Variants in CPAMD8 observed in about 807,000 individuals in gnomAD.
The protein encoded by CPAMD8 is C3 and PZP like alpha-2-macroglobulin domain containing 8.
In CPAMD8, 146 loss-of-function variants were observed where a neutral mutation model predicts 224.7. That is an observed-to-expected ratio of 0.65 (90% CI 0.57 to 0.75). The LOEUF is 0.75. CPAMD8 is among the 30% of genes least tolerant of loss of function. The pLI, the probability that CPAMD8 is intolerant of heterozygous loss-of-function variation, is 0.00. For synonymous variants in CPAMD8, 966 were observed against 1,044.6 expected, an observed-to-expected ratio of 0.92 and a Z score of 1.45; for missense variants, 2,301 against 2,537.5, an observed-to-expected ratio of 0.91 and a Z score of 2.00.
intron 3 of CPAMD8, among the ~76,000 whole-genome samples, chr19:17,015,292 G>A (rs2056781032): frequency 6.6e-6 from 1 of 152,092 alleles, no homozygotes; most frequent in Non-Finnish European, 1.5e-5. Flanking sequence ...CAACTGTGGG[G>A]TGTTCCTCTT....
chr19:17,023,332 C>T (rs1373965135), intron 1 of CPAMD8, among the ~76,000 whole-genome samples: 1 of 152,080 alleles, frequency 6.6e-6, no homozygotes, highest in Non-Finnish European at 1.5e-5. Flanking sequence ...GGCCCAGGTC[C>T]TCCCCACCTG....
intron 19 of CPAMD8, among the ~76,000 whole-genome samples, chr19:16,954,447 T>A (rs146839945): frequency 6.6e-6 from 1 of 152,156 alleles, no homozygotes; most frequent in Non-Finnish European, 1.5e-5. Flanking sequence ...GCAGCTGCTG[T>A]GGAAATTAGT....
intron 38 of CPAMD8, 29 bp from the exon 39 acceptor site, chr19:16,897,830 G>A: frequency 1.3e-6 from 2 of 1,573,648 alleles, no homozygotes; most frequent in Non-Finnish European, 1.7e-6. Context: ...GGGTGACCAA[G>A]TGCAGGCGCG....
chr19:16,894,757 C>T, intron 41 of CPAMD8: 1 of 274,500 alleles, frequency 3.6e-6, no homozygotes, highest in Admixed American at 4.1e-5. Context: ...AGAACAAACT[C>T]CAGGCCGGGC....
At chr19:17,017,234 C>G (rs556049732) in intron 3 of CPAMD8, among the ~76,000 whole-genome samples, 1 of 152,154 alleles carries the variant, frequency 6.6e-6, no homozygotes, top group African/African-American at 2.4e-5. Context: ...TCACATCACC[C>G]CCAGGTGGGA....
Position 16,932,496 on chromosome 19 carries a change from T to A in CPAMD8, c.2846-3256A>T, listed in dbSNP as rs184790976. The stretch of plus-strand genomic sequence containing the variant: ...AACACGTAAGAACCATACAAAGAAG[T>A]CAGAAAAACAATTCAAAAAGGAACC... On this transcript the variant is annotated intron_variant, in intron 23 of 41. Coordinates refer to ENST00000443236, the MANE Select transcript of CPAMD8 (RefSeq NM_015692.5). Among the ~76,000 whole-genome samples the A allele has an allele frequency of 1.8e-4, 28 of 151,694 alleles. No homozygotes were observed. The East Asian group carries it at 2.9e-3, about 16-fold the overall frequency.
intron 18 of CPAMD8, among the ~76,000 whole-genome samples, chr19:16,960,896 A>C (rs2054630654): frequency 6.6e-6 from 1 of 152,106 alleles, no homozygotes; most frequent in Non-Finnish European, 1.5e-5. Flanking sequence ...CCTCCTCAAA[A>C]AAAAAAAATT....
intron 29 of CPAMD8, among the ~76,000 whole-genome samples, chr19:16,913,230 G>A (rs552521764): frequency 1.4e-4 from 22 of 152,222 alleles, no homozygotes; most frequent in Admixed American, 7.2e-4. Flanking sequence ...GACTTCTGAG[G>A]TATGAGGGGG....
chr19:16,954,595 T>C (rs1183706218), intron 19 of CPAMD8, among the ~76,000 whole-genome samples: 2 of 152,118 alleles, frequency 1.3e-5, no homozygotes, highest in African/African-American at 2.4e-5. Context: ...TTATTCACAA[T>C]AGCCAAAAGG....
At chr19:17,021,965 G>T in intron 2 of CPAMD8, 65 bp downstream of exon 2, 1 of 1,352,522 alleles carries the variant, frequency 7.4e-7, no homozygotes, top group Non-Finnish European at 9.8e-7. Flanking sequence ...CAGCCCTGAA[G>T]GCCAGCAAGT....
chr19:16,977,103 A>G (rs1599830144), intron 15 of CPAMD8, among the ~76,000 whole-genome samples: 1 of 152,252 alleles, frequency 6.6e-6, no homozygotes, highest in Middle Eastern at 3.4e-3. Context: ...GAGGGTGCCA[A>G]TGGAAACAAG....
At chr19:16,959,748 C>T (rs1004766631) in intron 18 of CPAMD8, among the ~76,000 whole-genome samples, 5 of 151,846 alleles carry the variant, frequency 3.3e-5, no homozygotes, top group Non-Finnish European at 5.9e-5. Flanking sequence ...ACCATATTGG[C>T]CAGGCTGGTC....
At chr19:16,896,919 T>C in intron 39 of CPAMD8, 2 of 355,722 alleles carry the variant, frequency 5.6e-6, no homozygotes, top group East Asian at 8.6e-5. Context: ...CAGGGCGTCC[T>C]GTCTGGGCCG....
At chr19:16,924,675 G>A (rs567048002) in intron 26 of CPAMD8, among the ~76,000 whole-genome samples, 7 of 152,282 alleles carry the variant, frequency 4.6e-5, no homozygotes, top group African/African-American at 9.6e-5. Context: ...CCAACTCCTG[G>A]GCCCAAGTGA....
intron 18 of CPAMD8, among the ~76,000 whole-genome samples, chr19:16,958,543 C>A (rs2054546593): frequency 6.6e-6 from 1 of 152,114 alleles, no homozygotes; most frequent in African/African-American, 2.4e-5. Flanking sequence ...TAGGTTGATT[C>A]CAGGTCTTTG....
chr19:16,947,498 C>G (rs542650648), intron 20 of CPAMD8, among the ~76,000 whole-genome samples: 1 of 152,218 alleles, frequency 6.6e-6, no homozygotes, highest in African/African-American at 2.4e-5. Flanking sequence ...AGGTCCAGAT[C>G]TCCCATGGAC....
At chr19:16,903,924 G>A (rs1468198887) in intron 32 of CPAMD8, 67 bp from the exon 33 acceptor site, 14 of 1,497,612 alleles carry the variant, frequency 9.3e-6, no homozygotes, top group Middle Eastern at 1.7e-4. Context: ...CCTGAACCCC[G>A]TCTTGGAAGC....
intron 23 of CPAMD8, among the ~76,000 whole-genome samples, chr19:16,929,615 G>A (rs1041378549): frequency 3.3e-5 from 5 of 152,154 alleles, no homozygotes; most frequent in East Asian, 3.9e-4. Context: ...CAGGAGGATC[G>A]CTTGAGCCCA....
intron 9 of CPAMD8, among the ~76,000 whole-genome samples, chr19:17,000,947 A>T (rs569021681): frequency 6.6e-6 from 1 of 152,300 alleles, no homozygotes; most frequent in South Asian, 2.1e-4. Flanking sequence ...CTACCCTCTC[A>T]GGGGTGATAG....
Sources: allele counts gnomAD v4.1 joint callset (sites outside exome capture counted in the v4.1 genomes callset), GRCh38; gene constraint gnomAD v4.1.1; transcripts MANE v1.5; gene names NCBI Gene and HGNC (gene_info 2026-07-23, HGNC 2026-07-21).